Variants in ABCA3 observed in about 807,000 individuals in gnomAD.
ABCA3 encodes the protein phospholipid-transporting ATPase ABCA3.
A neutral mutation model predicts 172.8 loss-of-function variants in ABCA3; 88 were observed. The ratio of observed to expected loss-of-function variants is 0.51; its 90% confidence interval spans 0.43 to 0.61. The LOEUF (loss-of-function observed/expected upper bound fraction) is 0.61, where lower values mean the gene tolerates loss of function less well. Ranked by LOEUF, ABCA3 falls within the 20% of genes least tolerant of loss-of-function variation. The probability of loss-of-function intolerance (pLI) is 0.00; values close to 1 mark genes in which losing one functional copy is unlikely to be tolerated. For missense variants in ABCA3, 2,164 were observed against 2,301.0 expected (o/e 0.94, Z 1.22); for synonymous variants, 1,066 against 983.8 (o/e 1.08, Z -1.56).
rs2141694008 is a variant in ABCA3, at chr16:2,284,486, C to T, written c.3704-49G>A. ...TCTGCGCTGGAGGGCACACCACACCCACCTCCAGGACGGGCCTGGTCAGGG... is the reference window on the plus strand; with the variant it reads ...TCTGCGCTGGAGGGCACACCACACCTACCTCCAGGACGGGCCTGGTCAGGG... On this transcript the variant is annotated intron_variant, in intron 24 of 32. Transcript: ENST00000301732. The surrounding 1 kb of genome is among the most constrained non-coding windows in gnomAD (Gnocchi z 5.9). The T allele has an allele frequency of 6.2e-7, 1 of 1,608,834 alleles. No homozygotes were observed. The highest frequency in any genetic ancestry group is 2.2e-5 in the East Asian group (1 of 44,828).
chr16:2,281,414 G>A lies in ABCA3; in HGVS notation c.4131C>T (p.Leu1377=), dbSNP rs1373228398. 6.2e-7 allele frequency: 1 copy of A among 1,613,782 alleles called. No homozygotes were observed. Among genetic ancestry groups the A allele is most frequent in the Non-Finnish European group, 8.5e-7 (1 of 1,180,004 alleles). Residue 1377 remains leucine (L), a synonymous_variant, in exon 27 of 33, where the codon CTC becomes CTT. Coordinates refer to ENST00000301732, the MANE Select transcript of ABCA3 (RefSeq NM_001089.3). This position sits in a 1 kb window ranked among gnomAD's most constrained non-coding sequence, Gnocchi z 4.7. ...GCTCCTTGATAATCAGAGGTGTGTG[G>A]AGCAGGGAGTCCGGACTGGGGGCCA... The part of the protein sequence containing the change: ...RILAPSPDSL[L]HTPLIIKELS...
intron 7 of ABCA3, chr16:2,323,190 C>A (rs540672696): frequency 2.0e-3 from 818 of 418,792 alleles, no homozygotes; most frequent in Non-Finnish European, 3.0e-3. Flanking sequence ...AATAGGAACA[C>A]TTTTACACTG....
intron 1 of ABCA3, among the ~76,000 whole-genome samples, chr16:2,334,418 T>C (rs139170710): frequency 6.6e-6 from 1 of 152,148 alleles, no homozygotes. Context: ...TAATCCTTTA[T>C]CTAGGACATT....
chr16:2,298,331 G>C (rs2093683408), intron 15 of ABCA3, 55 bp downstream of exon 15: 1 of 1,610,856 alleles, frequency 6.2e-7, no homozygotes, highest in Admixed American at 1.7e-5. Context: ...GACTGCCCCA[G>C]AAACTCGAGC....
chr16:2,327,996 T>C (rs886973396), intron 3 of ABCA3, among the ~76,000 whole-genome samples: 12 of 152,164 alleles, frequency 7.9e-5, no homozygotes, highest in Non-Finnish European at 7.4e-5. Context: ...GCTGGGATTA[T>C]AGGCGTGAGC....
At position 2,326,440 on chromosome 16, in the gene ABCA3, G is replaced by C. The variant is rs143985974; in HGVS notation, c.27C>G (p.Leu9=). 22 of 1,612,538 alleles carry C rather than the reference G, an allele frequency of 1.4e-5. No homozygotes were observed. The African/African-American group carries it at 2.9e-4, about 22-fold the overall frequency. MAVLRQLA[L]LLWKNYTLQK... The stretch of plus-strand genomic sequence containing the variant: ...GCAGGGTGTAGTTCTTCCAGAGGAG[G>C]AGCGCCAGCTGCCTGAGCACAGCCA... Residue 9 remains leucine (L), a synonymous_variant, in exon 4 of 33, where the codon CTC becomes CTG. Transcript: ENST00000301732.
chr16:2,283,344 C>T lies in ABCA3; in HGVS notation c.3877G>A (p.Glu1293Lys). The T allele has an allele frequency of 6.2e-7, 1 of 1,613,072 alleles. No individual in the cohort carries two copies. The highest frequency in any genetic ancestry group is 8.5e-7 in the Non-Finnish European group (1 of 1,179,990). Reference protein sequence around the residue: ...YCKKYNIQYQENFYAWSAPGV... With the variant: ...YCKKYNIQYQKNFYAWSAPGV... ...GGGGCGCTCCAGGCATAGAAGTTCTCCTGGTACTGGATGTCTGTGGGGCGA... is the reference window on the plus strand; with the variant it reads ...GGGGCGCTCCAGGCATAGAAGTTCTTCTGGTACTGGATGTCTGTGGGGCGA... Residue 1293 changes from glutamate to lysine, a missense_variant, in exon 26 of 33, where the codon GAG becomes AAG. Transcript: ENST00000301732. The surrounding 1 kb of genome is among the most constrained non-coding windows in gnomAD (Gnocchi z 5.4).
rs2093655446 is a variant in ABCA3, at chr16:2,281,653, T to G, written c.4036-144A>C. On this transcript the variant is annotated intron_variant, in intron 26 of 32. Coordinates refer to ENST00000301732, the MANE Select transcript of ABCA3 (RefSeq NM_001089.3). The surrounding 1 kb of genome is among the most constrained non-coding windows in gnomAD (Gnocchi z 4.7). ...TCGTCCCAATCTCAGGCCCCACAGG[T>G]GCGACTCAGACCTTTTACTAGAAGA... 1 of 971,418 alleles carries G rather than the reference T, an allele frequency of 1.0e-6. No homozygotes were observed. The highest frequency in any genetic ancestry group is 2.6e-5 in the East Asian group (1 of 38,048). 60.2% of individuals were successfully genotyped at this position (971,418 alleles called of 1,614,324 possible).
chr16:2,292,315 CT>C (rs1287159625), intron 18 of ABCA3, 77 bp from the exon 19 acceptor site: 64 of 1,295,922 alleles, frequency 4.9e-5, no homozygotes, highest in African/African-American at 4.4e-5. Flanking sequence ...ATCACCCCCC[CT>C]CGGCCAGGCA....
At chr16:2,326,565 C>A in intron 3 of ABCA3, 73 bp from the exon 4 acceptor site, 2 of 1,477,620 alleles carry the variant, frequency 1.4e-6, no homozygotes, top group Non-Finnish European at 1.8e-6. Flanking sequence ...GGGGAAAAGC[C>A]ATGGACCCTT....
At chr16:2,298,330 A>G (rs947408408) in intron 15 of ABCA3, 56 bp downstream of exon 15, 106 of 1,610,474 alleles carry the variant, frequency 6.6e-5, no homozygotes, top group Non-Finnish European at 8.9e-5. Context: ...AGACTGCCCC[A>G]GAAACTCGAG....
chr16:2,282,551 G>C (rs1251926412), intron 26 of ABCA3, among the ~76,000 whole-genome samples: 3 of 152,242 alleles, frequency 2.0e-5, no homozygotes, highest in African/African-American at 7.2e-5. Flanking sequence ...CTGAGAAAAT[G>C]AACGTTTTCA....
Position 2,319,271 on chromosome 16 carries a change from G to T in ABCA3, c.873+310C>A, listed in dbSNP as rs143190069. Among the ~76,000 whole-genome samples, 5,621 of 152,152 alleles carry T rather than the reference G, an allele frequency of 0.037. 341 individuals are homozygous for T. The highest frequency in any genetic ancestry group is 0.13 in the African/African-American group (5,293 of 41,476). On this transcript the variant is annotated intron_variant, in intron 8 of 32. Coordinates refer to ENST00000301732, the MANE Select transcript of ABCA3 (RefSeq NM_001089.3). ...GAGGCCGAGGCGGGCGGATCACAAGGTCAGGAGATTGAGACCATCCTGGCT... is the reference window on the plus strand; with the variant it reads ...GAGGCCGAGGCGGGCGGATCACAAGTTCAGGAGATTGAGACCATCCTGGCT...
chr16:2,292,274 A>G, intron 18 of ABCA3, 36 bp from the exon 19 acceptor site: 1 of 1,559,118 alleles, frequency 6.4e-7, no homozygotes, highest in Non-Finnish European at 8.8e-7. Flanking sequence ...GTCACTTCTC[A>G]GTGACTTTCT....
At chr16:2,331,779 C>T (rs1474794552) in intron 1 of ABCA3, among the ~76,000 whole-genome samples, 1 of 152,180 alleles carries the variant, frequency 6.6e-6, no homozygotes, top group East Asian at 1.9e-4. Flanking sequence ...CGGCTGAGCC[C>T]CCATCAGCTA....
intron 18 of ABCA3, among the ~76,000 whole-genome samples, chr16:2,294,328 G>T (rs750829040): frequency 1.1e-4 from 17 of 151,862 alleles, no homozygotes; most frequent in African/African-American, 4.1e-4. Flanking sequence ...GCACAGCTGC[G>T]AAACACTTTC....
intron 28 of ABCA3, among the ~76,000 whole-genome samples, chr16:2,280,180 CA>C (rs1351252345): frequency 4.6e-5 from 7 of 152,258 alleles, no homozygotes; most frequent in African/African-American, 1.7e-4. Context: ...CCCTCTCCTC[CA>C]TTGCTAGATC....
intron 12 of ABCA3, among the ~76,000 whole-genome samples, chr16:2,301,249 A>G (rs947452934): frequency 2.6e-5 from 4 of 151,860 alleles, no homozygotes; most frequent in Non-Finnish European, 4.4e-5. Context: ...AAAAAAAATC[A>G]GAATGCATCT....
rs1364145509 is a variant in ABCA3 at position 2,287,016 on chromosome 16, G to A, written c.3005-49C>T. The A allele has an allele frequency of 6.3e-7, 1 of 1,587,050 alleles. No homozygotes were observed. Among genetic ancestry groups the A allele is most frequent in the South Asian group, 1.1e-5 (1 of 88,364 alleles). The stretch of plus-strand genomic sequence containing the variant: ...GGGACACAGGAAGAGGTGACACCTG[G>A]GCACCCCCTGCCACCTGAGCATGGC... On this transcript the variant is annotated intron_variant, in intron 21 of 32. Coordinates refer to ENST00000301732, the MANE Select transcript of ABCA3 (RefSeq NM_001089.3). The surrounding 1 kb of genome is among the most constrained non-coding windows in gnomAD (Gnocchi z 4.1).
Sources: allele counts gnomAD v4.1 joint callset (sites outside exome capture counted in the v4.1 genomes callset), GRCh38; gene constraint gnomAD v4.1.1; non-coding constraint Gnocchi (gnomAD v3.1); transcripts MANE v1.5; gene names NCBI Gene and HGNC (gene_info 2026-07-23, HGNC 2026-07-21).